PVT1: variants seen among roughly 807,000 people sequenced by gnomAD.
The protein encoded by PVT1 is Pvt1 oncogene, also known as CXCR4/PVT1 fusion.
chr8:128,083,676 A>C (rs1312576498), intron 5 of PVT1, among the ~76,000 whole-genome samples: 1 of 152,132 alleles, frequency 6.6e-6, no homozygotes, highest in Non-Finnish European at 1.5e-5. Flanking sequence ...CTTTCCAACT[A>C]GTGGTTTATT....
intron 3 of PVT1, among the ~76,000 whole-genome samples, chr8:127,901,909 CTTT>C (rs10547587): frequency 3.4e-5 from 5 of 147,794 alleles, no homozygotes; most frequent in African/African-American, 9.9e-5. Context: ...GCCAAGGGTA[CTTT>C]TTTTTTTTTT....
At chr8:127,981,460 C>G (rs747168539) in intron 3 of PVT1, among the ~76,000 whole-genome samples, 4 of 152,168 alleles carry the variant, frequency 2.6e-5, no homozygotes, top group Non-Finnish European at 5.9e-5. Flanking sequence ...ACAAGTCACC[C>G]AAGTGATCAG....
At chr8:128,016,714 C>T (rs902884519) in intron 4 of PVT1, among the ~76,000 whole-genome samples, 4 of 152,220 alleles carry the variant, frequency 2.6e-5, no homozygotes, top group Non-Finnish European at 4.4e-5. Flanking sequence ...GCCTGTACTG[C>T]TCTTTAAACA....
chr8:127,855,644 T>A (rs192534069), intron 2 of PVT1, among the ~76,000 whole-genome samples: 117 of 152,242 alleles, frequency 7.7e-4, no homozygotes, highest in African/African-American at 2.8e-3. Flanking sequence ...AGAGCACCTT[T>A]CCCGGTGAAC....
At chr8:127,966,496 TG>T (rs1026197157) in intron 3 of PVT1, among the ~76,000 whole-genome samples, 4 of 152,202 alleles carry the variant, frequency 2.6e-5, no homozygotes, top group Non-Finnish European at 4.4e-5. Flanking sequence ...GGGACATAAC[TG>T]GGGCACAAGA....
chr8:127,883,477 G>A (rs1047410951), intron 2 of PVT1, among the ~76,000 whole-genome samples: 2 of 152,072 alleles, frequency 1.3e-5, no homozygotes, highest in Non-Finnish European at 2.9e-5. Context: ...AAATGACAGT[G>A]GGGGGAATGG....
chr8:127,975,842 AT>A (rs548946210), intron 3 of PVT1, among the ~76,000 whole-genome samples: 53 of 152,190 alleles, frequency 3.5e-4, no homozygotes, highest in Admixed American at 1.2e-3. Flanking sequence ...TTGTCTCTTT[AT>A]TTGTGGGGCT....
At chr8:128,005,972 G>A (rs1817241597) in intron 4 of PVT1, among the ~76,000 whole-genome samples, 1 of 151,914 alleles carries the variant, frequency 6.6e-6, no homozygotes, top group Non-Finnish European at 1.5e-5. Context: ...ATGTGGTAGT[G>A]CGCGCCTGTA....
At chr8:128,017,047 G>C (rs1586482892) in intron 4 of PVT1, among the ~76,000 whole-genome samples, 1 of 152,226 alleles carries the variant, frequency 6.6e-6, no homozygotes, top group African/African-American at 2.4e-5. Flanking sequence ...TTCCAAGATG[G>C]TGTAGAACAT....
At chr8:128,099,186 C>T (rs566828855) in intron 6 of PVT1, among the ~76,000 whole-genome samples, 20 of 152,200 alleles carry the variant, frequency 1.3e-4, no homozygotes, top group South Asian at 2.1e-4. Context: ...TGGCGACATG[C>T]GGGTCACGTG....
chr8:128,032,102 C>G (rs1464785842), intron 4 of PVT1, among the ~76,000 whole-genome samples: 1 of 152,168 alleles, frequency 6.6e-6, no homozygotes, highest in Non-Finnish European at 1.5e-5. Flanking sequence ...GAGAACAAGC[C>G]TTGGAGGCGG....
intron 4 of PVT1, among the ~76,000 whole-genome samples, chr8:128,029,884 G>A (rs1252389663): frequency 6.6e-6 from 1 of 152,260 alleles, no homozygotes; most frequent in African/African-American, 2.4e-5. Context: ...TGAGATGGGA[G>A]GATTGCTTGA....
At chr8:127,954,548 C>T (rs539567619) in intron 3 of PVT1, among the ~76,000 whole-genome samples, 1 of 152,294 alleles carries the variant, frequency 6.6e-6, no homozygotes. Flanking sequence ...CCGCCTCGGC[C>T]TCCCAACGTG....
At chr8:128,040,501 T>A (rs1813517815) in intron 4 of PVT1, among the ~76,000 whole-genome samples, 1 of 151,652 alleles carries the variant, frequency 6.6e-6, no homozygotes, top group Non-Finnish European at 1.5e-5. Context: ...CTGATTCTGT[T>A]TTTCTGGAAA....
intron 3 of PVT1, among the ~76,000 whole-genome samples, chr8:127,966,781 G>A (rs1816707466): frequency 6.6e-6 from 1 of 152,198 alleles, no homozygotes; most frequent in African/African-American, 2.4e-5. Context: ...AGCCACAATG[G>A]GACATAGGAA....
chr8:127,916,233 T>C (rs1815983841), intron 3 of PVT1, among the ~76,000 whole-genome samples: 1 of 152,160 alleles, frequency 6.6e-6, no homozygotes, highest in Non-Finnish European at 1.5e-5. Context: ...TAGGGGCAAG[T>C]GCTTTGAGAA....
At chr8:128,066,586 G>T (rs1171190224) in intron 4 of PVT1, among the ~76,000 whole-genome samples, 1 of 152,204 alleles carries the variant, frequency 6.6e-6, no homozygotes, top group Non-Finnish European at 1.5e-5. Context: ...CATTGGTAGG[G>T]GTTTTCTTGG....
At chr8:127,911,384 C>T (rs898540755) in intron 3 of PVT1, among the ~76,000 whole-genome samples, 2 of 152,238 alleles carry the variant, frequency 1.3e-5, no homozygotes, top group African/African-American at 2.4e-5. Context: ...CTGACCTGCA[C>T]AGCAGGTCGG....
At chr8:127,864,018 T>C (rs1308341234) in intron 2 of PVT1, among the ~76,000 whole-genome samples, 1 of 152,172 alleles carries the variant, frequency 6.6e-6, no homozygotes, top group Non-Finnish European at 1.5e-5. Flanking sequence ...TTCCAGGTGA[T>C]TGGCACATCC....
Sources: allele counts gnomAD v4.1 joint callset (sites outside exome capture counted in the v4.1 genomes callset), GRCh38; gene constraint gnomAD v4.1.1; transcripts MANE v1.5; gene names NCBI Gene and HGNC (gene_info 2026-07-23, HGNC 2026-07-21).